Variants in MPV17L observed in about 807,000 individuals in gnomAD.
MPV17L encodes MPV17 mitochondrial inner membrane protein like, also known as mpv17-like protein.
A neutral mutation model predicts 25.8 loss-of-function variants in MPV17L; 24 were observed. The observed-to-expected ratio is 0.93, with a 90% confidence interval of 0.67 to 1.31. The LOEUF (loss-of-function observed/expected upper bound fraction) is 1.31, where lower values mean the gene tolerates loss of function less well. Ranked by LOEUF, MPV17L falls within the 50% of genes most tolerant of loss-of-function variation. MPV17L has a pLI of 0.00. For synonymous variants in MPV17L, 102 were observed against 115.3 expected (o/e 0.88, Z 0.74); for missense variants, 250 against 265.6 (o/e 0.94, Z 0.41).
intron 2 of MPV17L, among the ~76,000 whole-genome samples, chr16:15,403,813 C>G (rs536736673): frequency 6.6e-6 from 1 of 152,134 alleles, no homozygotes; most frequent in African/African-American, 2.4e-5. Context: ...CATCTACCCT[C>G]AGGAGAAGAA....
rs899238484 is a variant in MPV17L at position 15,412,264 on chromosome 16, A to T, written c.*4152A>T. On this transcript the variant is annotated 3_prime_UTR_variant, in exon 4 of 4. Transcript: ENST00000396385. ...GGCAATGTGGTGAAACCCTATCCCT[A>T]CCAAAAATACAAAAATTAGCCGGGT... The T allele has an allele frequency of 6.6e-6, 1 of 152,048 alleles. No individual in the cohort carries two copies. Among genetic ancestry groups the T allele is most frequent in the Non-Finnish European group, 1.5e-5 (1 of 68,046 alleles). The allele number at this position is 152,048 out of a possible 1,614,324, so 9.4% of individuals were successfully genotyped here. A position where few individuals can be genotyped will look rare whatever the true frequency, so the allele number is the denominator to read the frequency against.
At chr16:15,404,753 C>T (rs557176308) in intron 2 of MPV17L, among the ~76,000 whole-genome samples, 2 of 152,042 alleles carry the variant, frequency 1.3e-5, no homozygotes, top group East Asian at 1.9e-4. Flanking sequence ...ACCCGGGAGA[C>T]GGAGATTGTA....
chr16:15,406,783 G>A (rs1037951741), intron 2 of MPV17L, among the ~76,000 whole-genome samples: 12 of 151,046 alleles, frequency 7.9e-5, no homozygotes, highest in Admixed American at 6.6e-4. Flanking sequence ...AAAATTAGCC[G>A]AGCATGGTGT....
chr16:15,408,203 A>G lies in MPV17L; in HGVS notation c.*91A>G, dbSNP rs1385481481. On this transcript the variant is annotated 3_prime_UTR_variant, in exon 4 of 4. Transcript: ENST00000396385. ...AAAATATTTGATGTGCCAATTATGC[A>G]CTTCATTTTGAGGAATTACTACTAT... 4.4e-5 allele frequency: 43 copies of G among 968,668 alleles called. No individual in the cohort carries two copies. Among genetic ancestry groups the G allele is most frequent in the Non-Finnish European group, 2.7e-5 (18 of 657,882 alleles). 60.0% of individuals were successfully genotyped at this position (968,668 alleles called of 1,614,324 possible).
rs1216236054 is a variant in MPV17L, at chr16:15,406,524, CAT to C, written c.382-1297_382-1296del. Among the ~76,000 whole-genome samples, 7 of 152,196 alleles carry C rather than the reference CAT, an allele frequency of 4.6e-5. No homozygotes were observed. The East Asian group carries it at 1.4e-3, about 29-fold the overall frequency. On this transcript the variant is annotated intron_variant, in intron 2 of 3. Transcript: ENST00000396385. ...TAAAGCTTGTGAAATGTCTATCTAA[CAT>C]ATTTTGTAATATATGAAAATTTCAG... is the stretch of plus-strand genomic sequence containing the variant.
intron 2 of MPV17L, among the ~76,000 whole-genome samples, chr16:15,406,488 A>C (rs1273298458): frequency 6.6e-6 from 1 of 152,120 alleles, no homozygotes; most frequent in Non-Finnish European, 1.5e-5. Flanking sequence ...TTTTCATAGG[A>C]CTGTGTAGGA....
Position 15,400,898 on chromosome 16 carries a change from G to A in MPV17L, c.381+41G>A, listed in dbSNP as rs1567430974. The A allele has an allele frequency of 3.2e-6, 4 of 1,248,516 alleles. No individual in the cohort carries two copies. The Admixed American group carries it at 1.0e-4, about 31-fold the overall frequency. The allele number at this position is 1,248,516 out of a possible 1,614,324, so 77.3% of individuals were successfully genotyped here. A position where few individuals can be genotyped will look rare whatever the true frequency, so the allele number is the denominator to read the frequency against. ...GAAAATGTAATCACTATATTTTTGT[G>A]TATATATGTATATATATGTGTATAA... On this transcript the variant is annotated intron_variant, in intron 2 of 3. Transcript: ENST00000396385.
chr16:15,405,056 A>G (rs2050669140), intron 2 of MPV17L, among the ~76,000 whole-genome samples: 1 of 151,932 alleles, frequency 6.6e-6, no homozygotes, highest in African/African-American at 2.4e-5. Context: ...TTCTTTCTTA[A>G]GCCACTTCCT....
intron 1 of MPV17L, among the ~76,000 whole-genome samples, chr16:15,400,497 C>T (rs944940569): frequency 6.6e-6 from 1 of 151,624 alleles, no homozygotes. Flanking sequence ...ACTACAGGCA[C>T]GCTACTACAC....
rs754446669 is a variant in MPV17L, at chr16:15,407,947, C to T, written c.426C>T (p.Ser142=). The T allele has an allele frequency of 1.2e-6, 2 of 1,614,092 alleles. No homozygotes were observed. The highest frequency in any genetic ancestry group is 2.2e-5 in the East Asian group (1 of 44,878). Reference sequence around the variant, plus strand: ...CTCTGTTCCAGCTGACCAACTTCAGCCTTGTTCCTGTTCAATGGAGAACAG... The same window carrying T: ...CTCTGTTCCAGCTGACCAACTTCAGTCTTGTTCCTGTTCAATGGAGAACAG... ...YWPFVQLTNF[S]LVPVQWRTAY... Residue 142 remains serine, a synonymous_variant, in exon 4 of 4, where the codon AGC becomes AGT. Transcript: ENST00000396385.
In MPV17L at chr16:15,408,014, T is replaced by A; in HGVS notation, c.493T>A (p.Cys165Ser). 6.2e-7 allele frequency: 1 copy of A among 1,614,030 alleles called. No individual in the cohort carries two copies. The highest frequency in any genetic ancestry group is 1.7e-5 in the Admixed American group (1 of 60,016). Reference sequence around the variant, plus strand: ...TGGTTTTCTCTGGGCCACCTTCATCTGTTTTTCCCAGCAGAGTGGTGACGG... The same window carrying A: ...TGGTTTTCTCTGGGCCACCTTCATCAGTTTTTCCCAGCAGAGTGGTGACGG... ...VCGFLWATFI[C>S]FSQQSGDGTF... The change falls in exon 4 of 4, where the codon TGT becomes AGT. Residue 165 changes from cysteine to serine, a missense_variant. By Grantham distance (112) the Cys-to-Ser change is moderately radical. Transcript: ENST00000396385.
At position 15,397,396 on chromosome 16, in the gene MPV17L, C is replaced by T. The variant is rs573327938; in HGVS notation, c.310+1189C>T. 1.5e-4 allele frequency among the ~76,000 whole-genome samples: 23 copies of T among 152,228 alleles called. 1 individual carries two copies. In the South Asian group the frequency reaches 3.5e-3, roughly 23 times the overall value. ...TTAAACAAACAGGGTGACCTCATTCCGCCCAGGGTTGGGGAAGAACAGGTT... is the reference window on the plus strand; with the variant it reads ...TTAAACAAACAGGGTGACCTCATTCTGCCCAGGGTTGGGGAAGAACAGGTT... On this transcript the variant is annotated intron_variant, in intron 1 of 3. Transcript: ENST00000396385.
In MPV17L at chr16:15,408,108, A is replaced by C; in HGVS notation, c.587A>C (p.Lys196Thr). 6 of 1,591,382 alleles carry C rather than the reference A, an allele frequency of 3.8e-6. No homozygotes were observed. Among genetic ancestry groups the C allele is most frequent in the Non-Finnish European group, 5.1e-6 (6 of 1,166,942 alleles). Residue 196 changes from lysine to threonine, a missense_variant, in exon 4 of 4, where the codon AAA (lysine) becomes ACA (threonine). Coordinates refer to ENST00000396385, the MANE Select transcript of MPV17L (RefSeq NM_001128423.2). ...AGTGCCACAGAAGGGTACCCGAAGA[A>C]ATGAGAAGTCAAGGACTCTCTTAAA... ...GTSATEGYPK[K>T]
intron 1 of MPV17L, among the ~76,000 whole-genome samples, chr16:15,397,385 T>G (rs1000415496): frequency 1.1e-4 from 17 of 152,076 alleles, no homozygotes; most frequent in African/African-American, 3.9e-4. Context: ...ACAAACAGGG[T>G]GACCTCATTC....
chr16:15,406,612 C>T (rs1029120491), intron 2 of MPV17L, among the ~76,000 whole-genome samples: 1 of 151,966 alleles, frequency 6.6e-6, no homozygotes, highest in African/African-American at 2.4e-5. Context: ...ATTCCATAAA[C>T]AATGGTTTGG....
chr16:15,400,555 C>T (rs2050624744), intron 1 of MPV17L, among the ~76,000 whole-genome samples: 1 of 151,866 alleles, frequency 6.6e-6, no homozygotes, highest in African/African-American at 2.4e-5. Context: ...TGCCCTGTTG[C>T]CCAGGCTGGT....
At chr16:15,397,872 G>A (rs1045899376) in intron 1 of MPV17L, among the ~76,000 whole-genome samples, 1 of 152,118 alleles carries the variant, frequency 6.6e-6, no homozygotes, top group Non-Finnish European at 1.5e-5. Context: ...CAGCCTGAGA[G>A]CTAGGGCCTC....
chr16:15,408,093 A>C lies in MPV17L; in HGVS notation c.572A>C (p.Glu191Ala). The change falls in exon 4 of 4, where the codon GAA (glutamate) becomes GCA (alanine). Residue 191 changes from glutamate to alanine, a missense_variant. Glu to Ala is a moderately radical substitution (Grantham distance 107). Transcript: ENST00000396385. ...TATACAAAGGGGACCAGTGCCACAG[A>C]AGGGTACCCGAAGAAATGAGAAGTC... ...ILYTKGTSAT[E>A]GYPKK 1 of 1,603,400 alleles carries C rather than the reference A, an allele frequency of 6.2e-7. No homozygotes were observed. Among genetic ancestry groups the C allele is most frequent in the Non-Finnish European group, 8.5e-7 (1 of 1,173,748 alleles).
At chr16:15,399,156 G>T (rs2050612938) in intron 1 of MPV17L, among the ~76,000 whole-genome samples, 1 of 151,044 alleles carries the variant, frequency 6.6e-6, no homozygotes, top group Non-Finnish European at 1.5e-5. Flanking sequence ...CCACCTTAGC[G>T]AATTGTAAGG....
Sources: gnomAD v4.1 joint callset for allele counts (sites outside exome capture counted in the v4.1 genomes callset) on GRCh38, gnomAD v4.1.1 for gene constraint, MANE v1.5 for transcripts, NCBI Gene and HGNC (gene_info 2026-07-23, HGNC 2026-07-21) for gene names.